Variants in FRMD5 observed in about 807,000 individuals in gnomAD.
The protein encoded by FRMD5 is FERM domain containing 5.
Under a neutral mutation model 69.0 loss-of-function variants are expected in FRMD5, and 20 were observed. The ratio of observed to expected loss-of-function variants is 0.29; its 90% CI spans 0.20 to 0.42. The LOEUF is 0.42. FRMD5 is among the 10% of genes least tolerant of loss of function. The pLI is 1.00. For missense variants in FRMD5, 595 were observed against 708.6 expected (o/e 0.84, Z 1.82); for synonymous variants, 271 against 260.1 (o/e 1.04, Z -0.40).
At chr15:43,980,107 C>T (rs972096396) in intron 1 of FRMD5, among the ~76,000 whole-genome samples, 4 of 152,102 alleles carry the variant, frequency 2.6e-5, no homozygotes, top group African/African-American at 9.7e-5. Flanking sequence ...GTGTGATTTC[C>T]CTAGATGCTT....
chr15:44,150,475 T>G (rs1260280125), intron 1 of FRMD5, among the ~76,000 whole-genome samples: 1 of 151,318 alleles, frequency 6.6e-6, no homozygotes, highest in Non-Finnish European at 1.5e-5. Context: ...CATCGAAGTC[T>G]CAGGATATAA....
At chr15:44,067,832 T>C (rs1893375754) in intron 1 of FRMD5, among the ~76,000 whole-genome samples, 1 of 152,210 alleles carries the variant, frequency 6.6e-6, no homozygotes, top group East Asian at 1.9e-4. Flanking sequence ...GCAAATTTGA[T>C]ATCTGATAAT....
chr15:43,895,696 G>A (rs2088896546), intron 7 of FRMD5, among the ~76,000 whole-genome samples: 2 of 152,244 alleles, frequency 1.3e-5, no homozygotes, highest in South Asian at 4.1e-4. Context: ...GCCACCGCAA[G>A]ACCCTGACAC....
At chr15:43,957,872 A>C (rs1244160640) in intron 1 of FRMD5, among the ~76,000 whole-genome samples, 1 of 152,174 alleles carries the variant, frequency 6.6e-6, no homozygotes, top group Non-Finnish European at 1.5e-5. Flanking sequence ...ATACTTACTT[A>C]ATTTACTCTT....
In FRMD5 at chr15:44,160,614, A is replaced by G. The variant is rs150565348; in HGVS notation, c.102+34339T>C. 6.6e-3 allele frequency among the ~76,000 whole-genome samples: 1,008 copies of G among 152,346 alleles called. 11 individuals are homozygous for G. The highest frequency in any genetic ancestry group is 0.023 in the African/African-American group (968 of 41,580). ...TCTTCCTGTATTATAACATTCTTCT[A>G]TAACTTCATGTTTAAAGCTAAATAG... is the stretch of plus-strand genomic sequence containing the variant. On this transcript the variant is annotated intron_variant, in intron 1 of 13. Coordinates refer to ENST00000417257, the MANE Select transcript of FRMD5 (RefSeq NM_032892.5).
chr15:43,901,339 T>G (rs570791741), intron 7 of FRMD5, among the ~76,000 whole-genome samples: 2 of 152,198 alleles, frequency 1.3e-5, no homozygotes, highest in Admixed American at 6.5e-5. Flanking sequence ...ATACTATTCT[T>G]TTAATTTTTG....
Position 43,874,369 on chromosome 15 carries a change from G to A in FRMD5, c.1229C>T (p.Thr410Ile). ...TFLPHVRSSR[T>I]DSNERVAVIA... ...CACAGCTACTCGCTCATTGCTATCT[G>A]TCCGGCTGCTTCTCACGTGAGGCAG... The change falls in exon 14 of 14, where the codon ACA becomes ATA. Residue 410 changes from threonine to isoleucine, a missense_variant. Thr to Ile is a moderately conservative substitution (Grantham distance 89, BLOSUM62 -1). Around this residue, in one of 5 missense-constraint regions of FRMD5, gnomAD observed 245 missense variants for 227.1 expected, o/e 1.08. Transcript: ENST00000417257. 2 of 1,614,178 alleles carry A rather than the reference G, an allele frequency of 1.2e-6. No homozygotes were observed. Among genetic ancestry groups the A allele is most frequent in the South Asian group, 1.1e-5 (1 of 91,088 alleles).
At chr15:44,146,359 C>T (rs1195029283) in intron 1 of FRMD5, among the ~76,000 whole-genome samples, 1 of 152,164 alleles carries the variant, frequency 6.6e-6, no homozygotes, top group Non-Finnish European at 1.5e-5. Context: ...CCTAGTATTC[C>T]ATGATGTCTA....
At chr15:44,184,915 A>G (rs1039059528) in intron 1 of FRMD5, among the ~76,000 whole-genome samples, 13 of 152,332 alleles carry the variant, frequency 8.5e-5, no homozygotes, top group African/African-American at 3.1e-4. Context: ...GTATATCATT[A>G]TATCTGTCTC....
chr15:44,122,727 C>T (rs755821139), intron 1 of FRMD5, among the ~76,000 whole-genome samples: 2 of 151,976 alleles, frequency 1.3e-5, no homozygotes, highest in Non-Finnish European at 2.9e-5. Context: ...GGTGAAACCC[C>T]GTCTCTACTA....
intron 7 of FRMD5, among the ~76,000 whole-genome samples, chr15:43,897,487 CA>C (rs34243475): frequency 0.04 from 646 of 16,120 alleles, 1 homozygote; most frequent in Admixed American, 0.14. Context: ...CACTCCATCT[CA>C]AAAAAAAAAA....
chr15:43,955,173 C>T (rs918068162), intron 1 of FRMD5, among the ~76,000 whole-genome samples: 2 of 152,222 alleles, frequency 1.3e-5, no homozygotes, highest in African/African-American at 2.4e-5. Context: ...CTCTTTAACA[C>T]GGTCTCTCCT....
intron 1 of FRMD5, among the ~76,000 whole-genome samples, chr15:44,096,835 T>A (rs2076560642): frequency 6.6e-6 from 1 of 152,158 alleles, no homozygotes; most frequent in Non-Finnish European, 1.5e-5. Context: ...CCACTCTGTA[T>A]TCCAGCTGTC....
At chr15:44,007,053 T>C (rs1181891765) in intron 1 of FRMD5, among the ~76,000 whole-genome samples, 1 of 152,158 alleles carries the variant, frequency 6.6e-6, no homozygotes, top group Non-Finnish European at 1.5e-5. Context: ...TTATAAGAAA[T>C]TGTCACAGCC....
At chr15:44,076,742 G>A (rs1893787338) in intron 1 of FRMD5, among the ~76,000 whole-genome samples, 1 of 150,420 alleles carries the variant, frequency 6.6e-6, no homozygotes, top group Admixed American at 6.6e-5. Context: ...CCTGCACAAT[G>A]TGCACATGTA....
chr15:44,053,967 T>C (rs1892768720), intron 1 of FRMD5, among the ~76,000 whole-genome samples: 1 of 152,240 alleles, frequency 6.6e-6, no homozygotes, highest in Admixed American at 6.5e-5. Context: ...CATAGAATTA[T>C]AGTCAGGATT....
chr15:44,123,763 A>G (rs988679159), intron 1 of FRMD5, among the ~76,000 whole-genome samples: 1 of 152,216 alleles, frequency 6.6e-6, no homozygotes, highest in Non-Finnish European at 1.5e-5. Flanking sequence ...TTTGAAAAAG[A>G]AAATACAAAT....
intron 1 of FRMD5, among the ~76,000 whole-genome samples, chr15:44,119,568 T>C (rs1016651951): frequency 6.6e-6 from 1 of 152,172 alleles, no homozygotes; most frequent in Non-Finnish European, 1.5e-5. Context: ...TTTAAACCCT[T>C]ATTTTTATTT....
intron 2 of FRMD5, among the ~76,000 whole-genome samples, chr15:43,922,664 C>T (rs2089514983): frequency 6.6e-6 from 1 of 151,166 alleles, no homozygotes; most frequent in Non-Finnish European, 1.5e-5. Flanking sequence ...AGTAACTGGC[C>T]CTCCTTTTTT....
Sources: allele counts gnomAD v4.1 joint callset (sites outside exome capture counted in the v4.1 genomes callset), GRCh38; gene constraint gnomAD v4.1.1; regional missense constraint gnomAD v4.1.1; transcripts MANE v1.5; gene names NCBI Gene and HGNC (gene_info 2026-07-23, HGNC 2026-07-21).